XIST: variants seen among roughly 807,000 people sequenced by gnomAD.
The protein encoded by XIST is X inactive specific transcript (non-protein coding).
chrX:73,849,609 T>A (rs1404771176), exon 1 of XIST: 2 of 556,112 alleles, frequency 3.6e-6, no homozygotes, highest in Non-Finnish European at 6.5e-6. Context: ...AACTTCAACG[T>A]ACCGAGTAAG....
intron 4 of XIST, chrX:73,829,378 G>A (rs780203401): frequency 1.3e-4 from 53 of 415,938 alleles, no homozygotes; most frequent in Non-Finnish European, 1.9e-4. Flanking sequence ...GGTCTTTAGA[G>A]AGAAAATTTC....
exon 6 of XIST, chrX:73,824,606 T>A: frequency 1.8e-6 from 1 of 553,699 alleles, no homozygotes; most frequent in Non-Finnish European, 3.3e-6. Context: ...ACAATGAGAA[T>A]TTTGTAGAGA....
exon 1 of XIST, chrX:73,849,326 C>T: frequency 1.8e-6 from 1 of 558,922 alleles, no homozygotes; most frequent in Non-Finnish European, 3.2e-6. Context: ...GACGGGTTGT[C>T]TGCGACCCCC....
chrX:73,840,371 A>G (rs1036198204), intron 1 of XIST, among the ~76,000 whole-genome samples: 3 of 111,496 alleles, frequency 2.7e-5, no homozygotes, highest in South Asian at 3.8e-4. Context: ...AAAACGGGCT[A>G]TAAGTGAAGC....
chrX:73,825,037 C>T, exon 6 of XIST: 1 of 514,960 alleles, frequency 1.9e-6, no homozygotes, highest in East Asian at 3.6e-5. Flanking sequence ...CTTTAGTTTA[C>T]AAAGCACTTT....
exon 4 of XIST, chrX:73,831,074 G>A (rs1922370301): frequency 1.8e-6 from 1 of 556,318 alleles, no homozygotes; most frequent in Admixed American, 2.2e-5. Context: ...ACCTTGACGT[G>A]TGGTGGTTGT....
intron 4 of XIST, chrX:73,829,460 G>C: frequency 3.1e-6 from 1 of 319,986 alleles, no homozygotes; most frequent in East Asian, 5.8e-5. Flanking sequence ...TGAGTCACTA[G>C]AGACACCACT....
chrX:73,846,276 T>A lies in XIST; in HGVS notation n.6448A>T, dbSNP rs762958641. 8 of 557,317 alleles carry A rather than the reference T, an allele frequency of 1.4e-5. No individual in the cohort carries two copies. The South Asian group carries it at 1.8e-4, about 12-fold the overall frequency. The allele number at this position is 557,317 out of a possible 1,213,427, so 45.9% of individuals were successfully genotyped here. Reference sequence around the variant, plus strand: ...TCAGATAGGTTGAGCTGTGTGTAGTTATGCAAATCCATGTCTAAGGTGCAT... The same window carrying A: ...TCAGATAGGTTGAGCTGTGTGTAGTAATGCAAATCCATGTCTAAGGTGCAT... On this transcript the variant is annotated non_coding_transcript_exon_variant, in exon 1 of 6. Coordinates refer to ENST00000429829, the Ensembl canonical transcript of XIST.
chrX:73,837,767 A>C (rs1922511723), intron 1 of XIST, among the ~76,000 whole-genome samples: 1 of 111,417 alleles, frequency 9.0e-6, no homozygotes, highest in Non-Finnish European at 1.9e-5. Flanking sequence ...TATAAGACAC[A>C]GTTTTTAAAA....
chrX:73,841,662 A>G (rs1226854940), exon 1 of XIST: 1 of 543,637 alleles, frequency 1.8e-6, no homozygotes, highest in African/African-American at 2.2e-5. Flanking sequence ...CCAAAAGAAT[A>G]TTTAATTTTG....
intron 4 of XIST, among the ~76,000 whole-genome samples, chrX:73,830,880 A>C (rs1189500423): frequency 8.9e-6 from 1 of 111,902 alleles, no homozygotes; most frequent in Non-Finnish European, 1.9e-5. Flanking sequence ...CCCTCTTTAC[A>C]TCATCACTTT....
At chrX:73,848,194 C>T (rs999178813) in exon 1 of XIST, 12 of 554,980 alleles carry the variant, frequency 2.2e-5, no homozygotes, top group African/African-American at 1.8e-4. Flanking sequence ...TGCAATTATG[C>T]GCATTAACAG....
At chrX:73,824,173 A>G (rs1420488116) in exon 6 of XIST, 3 of 515,101 alleles carry the variant, frequency 5.8e-6, no homozygotes, top group Non-Finnish European at 1.0e-5. Context: ...CACAATAAAG[A>G]TGGTTTATCT....
chrX:73,841,412 A>G (rs1042811442), exon 1 of XIST: 1 of 546,478 alleles, frequency 1.8e-6, no homozygotes, highest in Non-Finnish European at 3.3e-6. Context: ...ACTCTTCTTT[A>G]CAGCTGTCCG....
chrX:73,843,190 C>A, exon 1 of XIST: 1 of 558,415 alleles, frequency 1.8e-6, no homozygotes, highest in Non-Finnish European at 3.2e-6. Context: ...GTCAGCAGCC[C>A]CTGCAGTAAT....
exon 6 of XIST, chrX:73,823,446 C>G (rs1191425555): frequency 5.9e-6 from 3 of 512,159 alleles, no homozygotes; most frequent in African/African-American, 4.7e-5. Context: ...AGATGTTCTT[C>G]TATCTTCAGC....
chrX:73,851,812 G>A (rs1922950606), exon 1 of XIST: 1 of 558,887 alleles, frequency 1.8e-6, no homozygotes, highest in East Asian at 3.2e-5. Context: ...TATGCGGCAA[G>A]TCTAAAATGG....
intron 3 of XIST, among the ~76,000 whole-genome samples, chrX:73,832,833 T>C (rs980549708): frequency 1.4e-4 from 16 of 111,103 alleles, no homozygotes; most frequent in Non-Finnish European, 2.8e-4. Flanking sequence ...AATGTATGTG[T>C]ACATGCAAAA....
chrX:73,851,922 G>C lies in XIST; in HGVS notation n.802C>G, dbSNP rs1233382885. On this transcript the variant is annotated non_coding_transcript_exon_variant, in exon 1 of 6. Coordinates refer to ENST00000429829, the Ensembl canonical transcript of XIST. Reference sequence around the variant, plus strand: ...ACACTCACACACCACCAAATGATCAGCAGCAAAAAAAAGTGTAGATATTCC... The same window carrying C: ...ACACTCACACACCACCAAATGATCACCAGCAAAAAAAAGTGTAGATATTCC... 1.8e-6 allele frequency: 1 copy of C among 556,731 alleles called. No individual in the cohort carries two copies. Among genetic ancestry groups the C allele is most frequent in the East Asian group, 3.2e-5 (1 of 30,782 alleles). The allele number at this position is 556,731 out of a possible 1,213,427, so 45.9% of individuals were successfully genotyped here.
Sources: gnomAD v4.1 joint callset for allele counts (sites outside exome capture counted in the v4.1 genomes callset) on GRCh38, gnomAD v4.1.1 for gene constraint, MANE v1.5 for transcripts, NCBI Gene and HGNC (gene_info 2026-07-23, HGNC 2026-07-21) for gene names.